The following CLEC16A variants were observed in gnomAD, a reference collection of about 807,000 sequenced individuals.
CLEC16A encodes protein CLEC16A.
Under a neutral mutation model 109.5 loss-of-function variants are expected in CLEC16A, and 51 were observed. The ratio of observed to expected loss-of-function variants is 0.47; its 90% CI spans 0.37 to 0.59. The LOEUF is 0.59. Ranked by LOEUF, CLEC16A falls within the 20% of genes least tolerant of loss-of-function variation. The pLI is 0.00. For synonymous variants in CLEC16A, 673 were observed against 564.2 expected (o/e 1.19, Z -2.73); for missense variants, 1,339 against 1,394.0 (o/e 0.96, Z 0.63).
intron 10 of CLEC16A, among the ~76,000 whole-genome samples, chr16:10,986,611 C>G (rs1009903260): frequency 6.6e-6 from 1 of 152,062 alleles, no homozygotes; most frequent in African/African-American, 2.4e-5. Flanking sequence ...ATTTTAGATA[C>G]CTCGTATAAG....
chr16:10,977,515 T>G lies in CLEC16A; in HGVS notation c.903+116T>G, dbSNP rs372894787. The G allele has an allele frequency of 7.1e-5, 69 of 967,022 alleles. 1 individual carries two copies. The highest frequency in any genetic ancestry group is 4.5e-4 in the African/African-American group (27 of 59,870). The allele number at this position is 967,022 out of a possible 1,614,324, so 59.9% of individuals were successfully genotyped here. A position where few individuals can be genotyped will look rare whatever the true frequency, so the allele number is the denominator to read the frequency against. ...CAAATCAGGACTGAGGTTTTTTTTT[T>G]GTTTGTTTGTTTTTAAAAGACGGAG... On this transcript the variant is annotated intron_variant, in intron 8 of 23. Transcript: ENST00000409790.
chr16:11,079,454 G>A (rs2049579154), intron 19 of CLEC16A, among the ~76,000 whole-genome samples: 1 of 152,164 alleles, frequency 6.6e-6, no homozygotes, highest in African/African-American at 2.4e-5. Flanking sequence ...CCAGCCTTTG[G>A]ACTGACTGGG....
chr16:10,979,532 G>A (rs753242404), intron 9 of CLEC16A, 150 bp downstream of exon 9: 226 of 674,160 alleles, frequency 3.4e-4, no homozygotes, highest in Non-Finnish European at 5.1e-4. Flanking sequence ...GGGGCTTTCT[G>A]TTTTCCAGGT....
Position 11,042,457 on chromosome 16 carries a change from C to G in CLEC16A, c.1770+94C>G, listed in dbSNP as rs1301446393. The G allele has an allele frequency of 4.2e-6, 4 of 962,644 alleles. No homozygotes were observed. The Admixed American group carries it at 9.2e-5, about 22-fold the overall frequency. The allele number at this position is 962,644 out of a possible 1,614,324, so 59.6% of individuals were successfully genotyped here. Reference sequence around the variant, plus strand: ...CTGGCATCCAGATAGGAGCCCTGGCCCGTGGTGTCATCGGTCACCAGCTAG... The same window carrying G: ...CTGGCATCCAGATAGGAGCCCTGGCGCGTGGTGTCATCGGTCACCAGCTAG... On this transcript the variant is annotated intron_variant, in intron 15 of 23. Coordinates refer to ENST00000409790, the MANE Select transcript of CLEC16A (RefSeq NM_015226.3).
At chr16:10,976,295 G>C (rs923780127) in intron 7 of CLEC16A, among the ~76,000 whole-genome samples, 1 of 150,106 alleles carries the variant, frequency 6.7e-6, no homozygotes, top group East Asian at 2.0e-4. Flanking sequence ...ATAAATAAAA[G>C]GAATAATTAT....
intron 16 of CLEC16A, 57 bp downstream of exon 16, chr16:11,044,129 G>A: frequency 6.9e-7 from 1 of 1,454,024 alleles, no homozygotes; most frequent in Non-Finnish European, 9.5e-7. Context: ...AAACAGAAGT[G>A]TGGTGTCTGG....
intron 10 of CLEC16A, among the ~76,000 whole-genome samples, chr16:10,983,266 C>G (rs937776110): frequency 6.6e-6 from 1 of 152,160 alleles, no homozygotes; most frequent in Admixed American, 6.5e-5. Context: ...ACACTGTTAT[C>G]GGGACACAGT....
In CLEC16A at chr16:10,959,554, G is replaced by T. The variant is rs373877587; in HGVS notation, c.209+1644G>T. On this transcript the variant is annotated intron_variant, in intron 2 of 23. Transcript: ENST00000409790. ...TTACAGGCATGCACCACCACGTGGG[G>T]CTAATTTTTGTATTTTTAGTAGAGA... Among the ~76,000 whole-genome samples the T allele has an allele frequency of 3.4e-5, 5 of 147,704 alleles. No homozygotes were observed. In the South Asian group the frequency reaches 6.6e-4, roughly 19 times the overall value.
At chr16:11,044,367 C>T (rs1013177692) in intron 16 of CLEC16A, 7 of 273,702 alleles carry the variant, frequency 2.6e-5, no homozygotes, top group South Asian at 1.4e-4. Flanking sequence ...TTATGAACTA[C>T]GTACGTATAA....
At chr16:11,165,870 G>T (rs1027741097) in intron 22 of CLEC16A, among the ~76,000 whole-genome samples, 2 of 152,204 alleles carry the variant, frequency 1.3e-5, no homozygotes, top group African/African-American at 4.8e-5. Flanking sequence ...GACTTCCCTA[G>T]AACCTCAAGG....
At chr16:11,029,799 C>T (rs2046632958) in intron 13 of CLEC16A, among the ~76,000 whole-genome samples, 1 of 152,136 alleles carries the variant, frequency 6.6e-6, no homozygotes, top group African/African-American at 2.4e-5. Flanking sequence ...AATATTTTGA[C>T]ATATGTAAAT....
intron 10 of CLEC16A, among the ~76,000 whole-genome samples, chr16:10,986,391 G>A (rs55949611): frequency 0.32 from 49,060 of 151,896 alleles, 8,334 homozygotes; most frequent in South Asian, 0.46. Context: ...TTATTTGTAT[G>A]GTTAACATTA....
At chr16:11,150,188 T>G (rs1299071661) in intron 22 of CLEC16A, 1 of 152,198 alleles carries the variant, frequency 6.6e-6, no homozygotes. Context: ...CTACATGGCC[T>G]TTTACCTCCT....
intron 18 of CLEC16A, among the ~76,000 whole-genome samples, chr16:11,059,298 G>A (rs2048362834): frequency 6.6e-6 from 1 of 152,176 alleles, no homozygotes; most frequent in African/African-American, 2.4e-5. Flanking sequence ...TTTAAAAACT[G>A]TTGACAATCA....
At chr16:11,048,591 T>A (rs541613513) in intron 17 of CLEC16A, 3 of 152,192 alleles carry the variant, frequency 2.0e-5, no homozygotes, top group Non-Finnish European at 4.4e-5. Context: ...AGCTGGGCCC[T>A]CACCACGTCC....
In CLEC16A at chr16:11,104,244, G is replaced by A. The variant is rs1018568764; in HGVS notation, c.2117-16371G>A. ...CTGCCTCAGCCTTCCAAGTACCTGG[G>A]ACTACAGCCATGTGCCACCATACCC... On this transcript the variant is annotated intron_variant, in intron 19 of 23. Coordinates refer to ENST00000409790, the MANE Select transcript of CLEC16A (RefSeq NM_015226.3). Among the ~76,000 whole-genome samples, 10 of 151,482 alleles carry A rather than the reference G, an allele frequency of 6.6e-5. No homozygotes were observed. In the East Asian group the frequency reaches 2.0e-3, roughly 30 times the overall value.
At position 10,972,975 on chromosome 16, in the gene CLEC16A, A is replaced by G; in HGVS notation, c.642A>G (p.Lys214=). The part of the protein sequence containing the change: ...NQAMLHYIRD[K]TAVPYFSNLV... ...CCATGCTGCACTACATCCGAGATAA[A>G]ACTGCTGTTCCTTACTTCTCCAATT... The change falls in exon 7 of 24, where the codon AAA becomes AAG. Residue 214 remains lysine, a synonymous_variant. Transcript: ENST00000409790. 1 of 1,611,832 alleles carries G rather than the reference A, an allele frequency of 6.2e-7. No homozygotes were observed. Among genetic ancestry groups the G allele is most frequent in the African/African-American group, 1.3e-5 (1 of 74,440 alleles).
intron 10 of CLEC16A, among the ~76,000 whole-genome samples, chr16:10,999,062 A>G (rs1373017148): frequency 2.6e-5 from 4 of 152,222 alleles, no homozygotes; most frequent in Non-Finnish European, 5.9e-5. Context: ...CCTTAGTCCC[A>G]ATGTCCAAAT....
chr16:10,990,506 AGGCCC>A (rs1211384224), intron 10 of CLEC16A, among the ~76,000 whole-genome samples: 3 of 152,222 alleles, frequency 2.0e-5, no homozygotes, highest in Middle Eastern at 3.2e-3. Flanking sequence ...CTGTGACCAA[AGGCCC>A]GGGGTTTTGG....
Sources: allele counts gnomAD v4.1 joint callset (sites outside exome capture counted in the v4.1 genomes callset), GRCh38; gene constraint gnomAD v4.1.1; transcripts MANE v1.5; gene names NCBI Gene and HGNC (gene_info 2026-07-23, HGNC 2026-07-21).